Variants in UGT1A3 observed in about 807,000 individuals in gnomAD.
The protein encoded by UGT1A3 is UDP glucuronosyltransferase family 1 member A3.
Under a neutral mutation model 41.0 loss-of-function variants are expected in UGT1A3, and 31 were observed. The observed-to-expected ratio is 0.76, with a 90% CI of 0.57 to 1.02. The LOEUF (loss-of-function observed/expected upper bound fraction) is 1.02. UGT1A3 is among the 50% of genes least tolerant of loss of function. The pLI is 0.00. For missense variants in UGT1A3, 737 were observed against 671.0 expected, an observed-to-expected ratio of 1.10 and a Z score of -1.09; for synonymous variants, 262 against 257.6, an observed-to-expected ratio of 1.02 and a Z score of -0.17.
Position 233,730,035 on chromosome 2 carries a change from A to T in UGT1A3, c.867+42A>T, listed in dbSNP as rs45599733. The T allele has an allele frequency of 1.0e-3, 1,658 of 1,613,028 alleles. 11 individuals are homozygous for T. In the African/African-American group the frequency reaches 0.02, roughly 19 times the overall value. ...TCATCCAATCAATGTTCCAGGCAAA[A>T]CACTTTTTAAAAAAATGTATTTATT... is the stretch of plus-strand genomic sequence containing the variant. On this transcript the variant is annotated intron_variant, in intron 1 of 4. Transcript: ENST00000482026.
At chr2:233,761,270 C>G (rs990068200) in intron 1 of UGT1A3, 25 of 1,591,850 alleles carry the variant, frequency 1.6e-5, no homozygotes, top group Non-Finnish European at 2.1e-5. Flanking sequence ...AAAATGCCCT[C>G]TTTTGTTAAT....
chr2:233,742,539 ATGGCCAGTTTAGGGGCCAGCTTC>A (rs1692013291), intron 1 of UGT1A3, among the ~76,000 whole-genome samples: 1 of 151,860 alleles, frequency 6.6e-6, no homozygotes, highest in African/African-American at 2.4e-5. Flanking sequence ...GATTTTGTTT[ATGGCCAGTTTAGGGGCCAGCTTC>A]TGGCCGGAAT....
rs909741702 is a variant in UGT1A3, at chr2:233,769,798, T to C, written c.1307+1359T>C. On this transcript the variant is annotated intron_variant, in intron 4 of 4. Coordinates refer to ENST00000482026, the MANE Select transcript of UGT1A3 (RefSeq NM_019093.4). This position sits in a 1 kb window ranked among gnomAD's most constrained non-coding sequence, Gnocchi z 4.4. ...TGAGCCCAGAAGTTGGAGGCTGCTA[T>C]GAGCCGTGATCATGCCACTGCACTC... The C allele has an allele frequency of 8.3e-7, 1 of 1,206,032 alleles. No homozygotes were observed. The highest frequency in any genetic ancestry group is 1.6e-5 in the African/African-American group (1 of 64,426). 74.7% of individuals were successfully genotyped at this position (1,206,032 alleles called of 1,614,324 possible). A position where few individuals can be genotyped will look rare whatever the true frequency, so the allele number is the denominator to read the frequency against.
chr2:233,772,929 C>T lies in UGT1A3; in HGVS notation c.*370C>T, dbSNP rs1186146273. On this transcript the variant is annotated 3_prime_UTR_variant, in exon 5 of 5. Transcript: ENST00000482026. ...CCCTACTGCAAATGGCAGTTTTAAT[C>T]TTATCTTTTGGCTTCTGCAGATGGT... The T allele has an allele frequency of 5.6e-6, 2 of 355,154 alleles. No individual in the cohort carries two copies. Among genetic ancestry groups the T allele is most frequent in the Non-Finnish European group, 1.0e-5 (2 of 197,036 alleles). The allele number at this position is 355,154 out of a possible 1,614,324, so 22.0% of individuals were successfully genotyped here. A position where few individuals can be genotyped will look rare whatever the true frequency, so the allele number is the denominator to read the frequency against.
chr2:233,743,981 G>A, intron 1 of UGT1A3: 4 of 1,297,888 alleles, frequency 3.1e-6, no homozygotes, highest in Non-Finnish European at 3.0e-6. Context: ...CAGCACCCAG[G>A]CGCAGGCCCG....
intron 1 of UGT1A3, chr2:233,753,360 G>C (rs1270331798): frequency 6.6e-6 from 1 of 152,184 alleles, no homozygotes; most frequent in Non-Finnish European, 1.5e-5. Flanking sequence ...TATTACTTGG[G>C]TGCCATTCCA....
At position 233,768,454 on chromosome 2, in the gene UGT1A3, A is replaced by C; in HGVS notation, c.1307+15A>C. The stretch of plus-strand genomic sequence containing the variant: ...AATGACAAAAGGTAAGAAAGAAGAT[A>C]CAGAAGAATACTTTGGTCATGGCAT... On this transcript the variant is annotated intron_variant, in intron 4 of 4. Coordinates refer to ENST00000482026, the MANE Select transcript of UGT1A3 (RefSeq NM_019093.4). The C allele has an allele frequency of 6.2e-7, 1 of 1,610,684 alleles. No individual in the cohort carries two copies.
chr2:233,767,812 T>G, intron 2 of UGT1A3, 37 bp from the exon 3 acceptor site: 9 of 1,614,150 alleles, frequency 5.6e-6, no homozygotes, highest in Non-Finnish European at 7.6e-6. Flanking sequence ...TCATATTATG[T>G]TCTTTCTTTA....
intron 1 of UGT1A3, among the ~76,000 whole-genome samples, chr2:233,737,749 T>C (rs1235645192): frequency 6.6e-6 from 1 of 152,308 alleles, no homozygotes; most frequent in South Asian, 2.1e-4. Context: ...CTTCCAGTTT[T>C]TCAATGTGAA....
At chr2:233,747,282 GC>G in intron 1 of UGT1A3, 1 of 1,600,800 alleles carries the variant, frequency 6.2e-7, no homozygotes, top group Non-Finnish European at 8.5e-7. Context: ...TCAGTGCCCA[GC>G]CCTGGGCTGA....
At chr2:233,731,647 G>A (rs2078187092) in intron 1 of UGT1A3, among the ~76,000 whole-genome samples, 1 of 152,156 alleles carries the variant, frequency 6.6e-6, no homozygotes, top group Admixed American at 6.5e-5. Flanking sequence ...GTATTCCATG[G>A]TGTATATGTG....
intron 1 of UGT1A3, among the ~76,000 whole-genome samples, chr2:233,759,343 G>T (rs548174363): frequency 1.3e-5 from 2 of 152,096 alleles, no homozygotes; most frequent in Non-Finnish European, 1.5e-5. Context: ...TCAGGTGAGC[G>T]CTGAAAATCT....
At chr2:233,741,101 A>C (rs559824040) in intron 1 of UGT1A3, among the ~76,000 whole-genome samples, 9 of 151,948 alleles carry the variant, frequency 5.9e-5, no homozygotes, top group Non-Finnish European at 8.8e-5. Context: ...GCAAACAGAC[A>C]ATCAAGCTTT....
chr2:233,755,430 C>T (rs1467633549), intron 1 of UGT1A3: 1 of 318,494 alleles, frequency 3.1e-6, no homozygotes, highest in African/African-American at 2.2e-5. Flanking sequence ...GCCTCGCATC[C>T]CAAGATGCAG....
chr2:233,759,780 G>C (rs1697251948), intron 1 of UGT1A3, among the ~76,000 whole-genome samples: 1 of 152,286 alleles, frequency 6.6e-6, no homozygotes, highest in South Asian at 2.1e-4. Context: ...TTGGACGAAG[G>C]AATGAAACAC....
intron 1 of UGT1A3, among the ~76,000 whole-genome samples, chr2:233,744,904 C>A (rs2125866723): frequency 6.6e-6 from 1 of 151,988 alleles, no homozygotes; most frequent in Middle Eastern, 3.4e-3. Flanking sequence ...ATACCAAAAT[C>A]TAGATGCTCA....
intron 4 of UGT1A3, chr2:233,770,807 T>C (rs1273805727): frequency 2.6e-5 from 4 of 152,116 alleles, no homozygotes; most frequent in East Asian, 1.9e-4. Context: ...TTAAAGACAG[T>C]GTATTAGGCT....
At chr2:233,761,494 C>T (rs1189997049) in intron 1 of UGT1A3, among the ~76,000 whole-genome samples, 1 of 152,234 alleles carries the variant, frequency 6.6e-6, no homozygotes, top group Non-Finnish European at 1.5e-5. Context: ...GCACCTTGCC[C>T]TGGATTCAGT....
chr2:233,756,969 C>T (rs1044581590), intron 1 of UGT1A3, among the ~76,000 whole-genome samples: 2 of 151,840 alleles, frequency 1.3e-5, no homozygotes, highest in African/African-American at 2.4e-5. Context: ...TTGGTAAGCA[C>T]GCAATGAACA....
Sources: gnomAD v4.1 joint callset for allele counts (sites outside exome capture counted in the v4.1 genomes callset) on GRCh38, gnomAD v4.1.1 for gene constraint, Gnocchi (gnomAD v3.1) non-coding constraint, MANE v1.5 for transcripts, NCBI Gene and HGNC (gene_info 2026-07-23, HGNC 2026-07-21) for gene names.